The following RNF135 variants were observed in gnomAD, a reference collection of about 807,000 sequenced individuals.
RNF135 encodes E3 ubiquitin-protein ligase RNF135.
Under a neutral mutation model 41.9 loss-of-function variants are expected in RNF135, and 46 were observed. That is an observed-to-expected ratio of 1.10 (90% CI 0.87 to 1.40). The LOEUF (loss-of-function observed/expected upper bound fraction) is 1.40, where lower values mean the gene tolerates loss of function less well. RNF135 is among the 40% of genes most tolerant of loss of function. The pLI is 0.00. For missense variants in RNF135, 539 were observed against 549.8 expected (o/e 0.98, Z 0.20); for synonymous variants, 238 against 223.8 (o/e 1.06, Z -0.57).
At position 30,971,914 on chromosome 17, in the gene RNF135, C is replaced by G. The variant is rs561784468; in HGVS notation, c.372+469C>G. ...TCGAGTGATTCTCTTGCTTCAGGCTCGAGAGTAGCTGGGATTACAGGCGTG... is the reference window on the plus strand; with the variant it reads ...TCGAGTGATTCTCTTGCTTCAGGCTGGAGAGTAGCTGGGATTACAGGCGTG... On this transcript the variant is annotated intron_variant, in intron 1 of 4. Transcript: ENST00000328381. 4 of 173,088 alleles carry G rather than the reference C, an allele frequency of 2.3e-5. 1 individual carries two copies. The highest frequency in any genetic ancestry group is 3.2e-4 in the South Asian group (2 of 6,288). 10.7% of individuals were successfully genotyped at this position (173,088 alleles called of 1,614,324 possible).
chr17:30,979,655 G>A (rs1224582351), intron 1 of RNF135, among the ~76,000 whole-genome samples: 6 of 128,226 alleles, frequency 4.7e-5, no homozygotes, highest in African/African-American at 1.5e-4. Flanking sequence ...CTGGCCAGGC[G>A]GGGGGCTGAT....
chr17:30,985,440 C>T lies in RNF135; in HGVS notation c.516+680C>T, dbSNP rs139180510. On this transcript the variant is annotated intron_variant, in intron 2 of 4. Transcript: ENST00000328381. ...CTGGGATTTCTCATCTCAATGCTTG[C>T]CCCATTATCTTTCCAAGTACAGAAG... 7.2e-5 allele frequency among the ~76,000 whole-genome samples: 11 copies of T among 152,304 alleles called. No individual in the cohort carries two copies. The East Asian group carries it at 2.1e-3, about 29-fold the overall frequency.
At position 30,997,272 on chromosome 17, in the gene RNF135, C is replaced by G. The variant is rs1307575186; in HGVS notation, c.710C>G (p.Ser237Ter). The change falls in exon 4 of 5, where the codon TCA (serine) becomes TGA (stop). Residue 237 changes from serine (S) to a stop codon, truncating the protein, a stop_gained. Transcript: ENST00000328381. LOFTEE classifies it high-confidence loss of function. Reference protein sequence around the residue: ...GELLEAPSSSSCPLPDQSHPA... With the variant: ...GELLEAPSSS ...CTCCTGGAAGCCCCGTCTTCCTCCT[C>G]ATGCCCATTGCCTGACCAGAGCCAC... is the stretch of plus-strand genomic sequence containing the variant. 6.2e-7 allele frequency: 1 copy of G among 1,614,136 alleles called. No individual in the cohort carries two copies. The highest frequency in any genetic ancestry group is 2.2e-5 in the East Asian group (1 of 44,888).
chr17:30,962,790 G>C, the RNF135 span, among the ~76,000 whole-genome samples: 2 of 152,130 alleles, frequency 1.3e-5, no homozygotes, highest in Non-Finnish European at 2.9e-5. Flanking sequence ...AAGAAGACAA[G>C]AACCAGGGTA....
chr17:30,975,685 C>T, intron 1 of RNF135: 1 of 1,419,066 alleles, frequency 7.0e-7, no homozygotes, highest in Non-Finnish European at 1.0e-6. Flanking sequence ...CCAGTGTCGG[C>T]CTGAGAAATG....
chr17:30,989,021 A>G (rs1239124413), intron 3 of RNF135, among the ~76,000 whole-genome samples: 4 of 145,028 alleles, frequency 2.8e-5, no homozygotes, highest in Non-Finnish European at 6.1e-5. Flanking sequence ...CAGCCTCCCA[A>G]AGTGTTGGGA....
chr17:30,968,427 C>T (rs1905645476), upstream of RNF135, among the ~76,000 whole-genome samples: 1 of 150,402 alleles, frequency 6.6e-6, no homozygotes, highest in African/African-American at 2.4e-5. Flanking sequence ...GCTCTGTCGC[C>T]CAGGCTGGAG....
At chr17:30,979,994 C>T (rs1457974570) in intron 1 of RNF135, among the ~76,000 whole-genome samples, 3 of 118,960 alleles carry the variant, frequency 2.5e-5, no homozygotes, top group Non-Finnish European at 5.3e-5. Context: ...GGCTGATCCT[C>T]CCACCTCCCT....
At chr17:30,983,791 A>G (rs183505803) in intron 1 of RNF135, among the ~76,000 whole-genome samples, 140 of 151,842 alleles carry the variant, frequency 9.2e-4, no homozygotes, top group African/African-American at 3.2e-3. Context: ...ATAGTAGCCA[A>G]CCTAATGAGT....
chr17:30,962,176 A>C, the RNF135 span, among the ~76,000 whole-genome samples: 3 of 149,970 alleles, frequency 2.0e-5, no homozygotes, highest in South Asian at 6.3e-4. Context: ...CTGTGTCGCC[A>C]GGCTGGAGTG....
At chr17:30,971,861 G>C in intron 1 of RNF135, 2 of 320,218 alleles carry the variant, frequency 6.2e-6, no homozygotes, top group Non-Finnish European at 9.2e-6. Context: ...GCGTGATCTC[G>C]GCTCACTGCA....
At position 30,971,085 on chromosome 17, in the gene RNF135, G is replaced by A. The variant is rs1452911891; in HGVS notation, c.12G>A (p.Leu4=). ...GCCGCCTGTTGGCCATGGCGGGCCTGGGCCTGGGCTCCGCCGTTCCCGTGT... is the reference window on the plus strand; with the variant it reads ...GCCGCCTGTTGGCCATGGCGGGCCTAGGCCTGGGCTCCGCCGTTCCCGTGT... MAG[L]GLGSAVPVWL... Residue 4 remains leucine (L), a synonymous_variant, in exon 1 of 5, where the codon CTG becomes CTA. Transcript: ENST00000328381. 6.5e-7 allele frequency: 1 copy of A among 1,534,302 alleles called. No individual in the cohort carries two copies.
intron 1 of RNF135, chr17:30,978,550 T>C (rs555060677): frequency 7.9e-5 from 12 of 152,370 alleles, no homozygotes; most frequent in Middle Eastern, 3.4e-3. Flanking sequence ...TCAGATGCAT[T>C]CTTCGATTCC....
chr17:30,971,182 G>A lies in RNF135; in HGVS notation c.109G>A (p.Gly37Ser). The part of the protein sequence containing the change: ...LLDWPATLPC[G>S]HSFCRHCLEA... ...GGACTGGCCCGCCACGCTGCCCTGC[G>A]GCCACAGCTTCTGCCGCCACTGCCT... is the stretch of plus-strand genomic sequence containing the variant. The change falls in exon 1 of 5, where the codon GGC (glycine) becomes AGC (serine). Residue 37 changes from glycine to serine, a missense_variant. Coordinates refer to ENST00000328381, the MANE Select transcript of RNF135 (RefSeq NM_032322.4). The A allele has an allele frequency of 6.6e-7, 1 of 1,526,560 alleles. No individual in the cohort carries two copies. Among genetic ancestry groups the A allele is most frequent in the Non-Finnish European group, 8.7e-7 (1 of 1,143,212 alleles). 94.6% of individuals were successfully genotyped at this position (1,526,560 alleles called of 1,614,324 possible).
intron 1 of RNF135, among the ~76,000 whole-genome samples, chr17:30,976,644 C>T (rs1222698814): frequency 6.6e-6 from 1 of 152,144 alleles, no homozygotes. Flanking sequence ...AGTGTTGGTG[C>T]ATATATATTT....
At chr17:30,975,538 G>A (rs1170120294) in intron 1 of RNF135, 16 of 779,858 alleles carry the variant, frequency 2.1e-5, no homozygotes, top group South Asian at 1.6e-4. Flanking sequence ...AAATGGCCTC[G>A]AAAATAGACA....
At chr17:30,986,215 C>CT (rs111962099) in intron 2 of RNF135, among the ~76,000 whole-genome samples, 1,690 of 142,354 alleles carry the variant, frequency 0.012, 14 homozygotes, top group African/African-American at 0.028. Context: ...ACTTTTGATG[C>CT]TTTTTTTTTT....
intron 3 of RNF135, 70 bp downstream of exon 3, chr17:30,988,176 G>T (rs1022744252): frequency 6.9e-7 from 1 of 1,454,784 alleles, no homozygotes. Flanking sequence ...GTGCTCTATG[G>T]CTTTGTTCTC....
intron 3 of RNF135, among the ~76,000 whole-genome samples, chr17:30,994,713 G>A (rs993711942): frequency 1.1e-4 from 17 of 148,558 alleles, no homozygotes; most frequent in Admixed American, 3.4e-4. Context: ...GGCTCACTGC[G>A]ACCTCTGGCT....
Sources: allele counts gnomAD v4.1 joint callset (sites outside exome capture counted in the v4.1 genomes callset), GRCh38; gene constraint gnomAD v4.1.1; transcripts MANE v1.5; gene names NCBI Gene and HGNC (gene_info 2026-07-23, HGNC 2026-07-21).